Variants in NYAP2 observed in about 807,000 individuals in gnomAD.
NYAP2 encodes neuronal tyrosine-phosphorylated phosphoinositide-3-kinase adapter 2.
A neutral mutation model predicts 50.4 loss-of-function variants in NYAP2; 23 were observed. That is an observed-to-expected ratio of 0.46 (90% CI 0.33 to 0.65). NYAP2 has a LOEUF of 0.65. NYAP2 is among the 30% of genes least tolerant of loss of function. NYAP2 has a pLI of 0.02. For synonymous variants in NYAP2, 394 were observed against 365.2 expected, an observed-to-expected ratio of 1.08 and a Z score of -0.90; for missense variants, 885 against 861.0, an observed-to-expected ratio of 1.03 and a Z score of -0.35.
intron 4 of NYAP2, among the ~76,000 whole-genome samples, chr2:225,560,795 A>G (rs1574678572): frequency 1.3e-5 from 2 of 152,122 alleles, no homozygotes; most frequent in African/African-American, 4.8e-5. Context: ...GTTTTAATCC[A>G]AGTTGGTTTT....
intron 4 of NYAP2, among the ~76,000 whole-genome samples, chr2:225,538,784 T>G (rs1691397998): frequency 1.1e-4 from 1 of 9,044 alleles, no homozygotes; most frequent in African/African-American, 4.0e-4. Flanking sequence ...TTTCTTTTCT[T>G]TCTTTCTTTC....
intron 4 of NYAP2, among the ~76,000 whole-genome samples, chr2:225,541,574 A>T (rs1270431318): frequency 6.6e-6 from 1 of 151,988 alleles, no homozygotes; most frequent in African/African-American, 2.4e-5. Context: ...ATGTTCTTGG[A>T]ACTTTTGTTG....
At chr2:225,679,566 C>T in the NYAP2 span, among the ~76,000 whole-genome samples, 2 of 137,944 alleles carry the variant, frequency 1.4e-5, no homozygotes, top group African/African-American at 5.4e-5. Flanking sequence ...GTGATCTCAG[C>T]TCACTGCAGC....
At chr2:225,623,664 C>T (rs958741132) in intron 5 of NYAP2, among the ~76,000 whole-genome samples, 19 of 152,142 alleles carry the variant, frequency 1.2e-4, no homozygotes, top group Admixed American at 2.6e-4. Flanking sequence ...GGGTGATGAA[C>T]ACACACCAAG....
At chr2:225,530,934 A>G (rs1339853351) in intron 4 of NYAP2, among the ~76,000 whole-genome samples, 4 of 152,114 alleles carry the variant, frequency 2.6e-5, no homozygotes, top group Admixed American at 6.5e-5. Context: ...TTATGCTCCT[A>G]TCTCATTCAG....
chr2:225,410,271 T>C (rs572382170), intron 3 of NYAP2, among the ~76,000 whole-genome samples: 26 of 152,248 alleles, frequency 1.7e-4, no homozygotes, highest in Middle Eastern at 3.4e-3. Context: ...TTATCAGGTA[T>C]AGAAATTGCA....
the NYAP2 span, among the ~76,000 whole-genome samples, chr2:225,682,458 C>T: frequency 6.6e-6 from 1 of 152,124 alleles, no homozygotes; most frequent in African/African-American, 2.4e-5. Context: ...TAGCTACAAA[C>T]TATTAGAAAA....
At chr2:225,655,929 T>TACACACACAC (rs1693817634), downstream of NYAP2, among the ~76,000 whole-genome samples, 1 of 62,266 alleles carries the variant, frequency 1.6e-5, no homozygotes, top group African/African-American at 5.2e-5. Flanking sequence ...CACACACACA[T>TACACACACAC]ACACACATAC....
chr2:225,554,812 C>T (rs1298775958), intron 4 of NYAP2, among the ~76,000 whole-genome samples: 2 of 151,958 alleles, frequency 1.3e-5, no homozygotes, highest in Non-Finnish European at 2.9e-5. Flanking sequence ...CTTCTCTTGC[C>T]ACAAGGAGTT....
At chr2:225,571,720 G>T (rs181725367) in intron 4 of NYAP2, among the ~76,000 whole-genome samples, 5 of 152,170 alleles carry the variant, frequency 3.3e-5, no homozygotes, top group African/African-American at 7.2e-5. Flanking sequence ...TGCTGTGAAG[G>T]CCTCTGACAT....
the NYAP2 span, among the ~76,000 whole-genome samples, chr2:225,697,069 T>C: frequency 2.6e-5 from 4 of 151,910 alleles, no homozygotes; most frequent in African/African-American, 9.7e-5. Context: ...GTAGATTTGT[T>C]TAAACAATTA....
intron 4 of NYAP2, among the ~76,000 whole-genome samples, chr2:225,538,742 A>G (rs562594681): frequency 1.0e-4 from 15 of 146,928 alleles, no homozygotes; most frequent in Non-Finnish European, 1.5e-4. Flanking sequence ...ATTTCTCCTC[A>G]GAAAATGAGA....
chr2:225,630,874 G>A (rs756735658), intron 6 of NYAP2, among the ~76,000 whole-genome samples: 1 of 152,200 alleles, frequency 6.6e-6, no homozygotes, highest in Admixed American at 6.5e-5. Flanking sequence ...AGATTTACGA[G>A]GGAAAGTCAG....
chr2:225,596,031 T>A (rs1029864489), intron 5 of NYAP2, among the ~76,000 whole-genome samples: 1 of 152,136 alleles, frequency 6.6e-6, no homozygotes, highest in African/African-American at 2.4e-5. Flanking sequence ...TTCCATATAT[T>A]TTTTTGAGAG....
chr2:225,505,020 A>AATC (rs1179149804), intron 3 of NYAP2, among the ~76,000 whole-genome samples: 1 of 151,890 alleles, frequency 6.6e-6, no homozygotes, highest in African/African-American at 2.4e-5. Flanking sequence ...AAAAAAAAAA[A>AATC]ATCATCATCA....
At chr2:225,464,356 C>T (rs1689881722) in intron 3 of NYAP2, among the ~76,000 whole-genome samples, 1 of 152,168 alleles carries the variant, frequency 6.6e-6, no homozygotes, top group South Asian at 2.1e-4. Flanking sequence ...TCCTATGTGT[C>T]ACCCTGCAAC....
intron 5 of NYAP2, 135 bp downstream of exon 5, chr2:225,583,170 A>G (rs1692330354): frequency 9.1e-7 from 1 of 1,093,350 alleles, no homozygotes; most frequent in Non-Finnish European, 1.3e-6. Context: ...CATGCAAACA[A>G]AATGTGTTAG....
intron 3 of NYAP2, among the ~76,000 whole-genome samples, chr2:225,472,245 C>T (rs1443157195): frequency 6.6e-6 from 1 of 152,212 alleles, no homozygotes; most frequent in Non-Finnish European, 1.5e-5. Context: ...CATGTCTACT[C>T]ATTTGTTCAG....
intron 3 of NYAP2, among the ~76,000 whole-genome samples, chr2:225,467,296 C>T (rs1327064889): frequency 2.6e-5 from 4 of 152,186 alleles, no homozygotes; most frequent in African/African-American, 9.7e-5. Context: ...AGCCACTGAT[C>T]ACCAGTTTCA....
Sources: allele counts gnomAD v4.1 joint callset (sites outside exome capture counted in the v4.1 genomes callset), GRCh38; gene constraint gnomAD v4.1.1; transcripts MANE v1.5; gene names NCBI Gene and HGNC (gene_info 2026-07-23, HGNC 2026-07-21).